Variants in WDHD1 observed in about 807,000 individuals in gnomAD.
The protein encoded by WDHD1 is WD repeat and HMG-box DNA binding protein 1, also known as WD repeat and HMG-box DNA-binding protein 1.
Under a neutral mutation model 135.4 loss-of-function variants are expected in WDHD1, and 111 were observed. The ratio of observed to expected loss-of-function variants is 0.82; its 90% CI spans 0.70 to 0.96. The LOEUF (loss-of-function observed/expected upper bound fraction) is 0.96. WDHD1 is among the 40% of genes least tolerant of loss of function. WDHD1 has a pLI of 0.00. For missense variants in WDHD1, 1,351 were observed against 1,336.3 expected, an observed-to-expected ratio of 1.01 and a Z score of -0.17; for synonymous variants, 434 against 439.0, an observed-to-expected ratio of 0.99 and a Z score of 0.14.
chr14:54,956,908 C>G (rs2041168553), intron 23 of WDHD1, 126 bp downstream of exon 23: 1 of 1,226,840 alleles, frequency 8.2e-7, no homozygotes. Flanking sequence ...AGAATTGAAC[C>G]CACTTCCCTA....
intron 16 of WDHD1, among the ~76,000 whole-genome samples, chr14:54,976,305 T>C (rs534536492): frequency 2.6e-5 from 4 of 152,302 alleles, no homozygotes; most frequent in African/African-American, 7.2e-5. Context: ...CTGTATAACC[T>C]TGAACTCCTG....
chr14:55,015,950 C>T (rs541915824), intron 2 of WDHD1, among the ~76,000 whole-genome samples: 9 of 152,268 alleles, frequency 5.9e-5, no homozygotes, highest in South Asian at 2.1e-4. Context: ...CCACCCACCT[C>T]GGCCTCTCAA....
At chr14:55,021,747 C>CT (rs1373869420) in intron 2 of WDHD1, among the ~76,000 whole-genome samples, 1 of 152,170 alleles carries the variant, frequency 6.6e-6, no homozygotes, top group African/African-American at 2.4e-5. Flanking sequence ...GCTCCCTTAT[C>CT]TTTTTTGCCA....
At chr14:55,015,062 A>T (rs1014801107) in intron 2 of WDHD1, among the ~76,000 whole-genome samples, 1 of 152,190 alleles carries the variant, frequency 6.6e-6, no homozygotes, top group African/African-American at 2.4e-5. Context: ...GAGAGTAGAT[A>T]GGAGGACTAT....
Position 55,000,996 on chromosome 14 carries a change from T to C in WDHD1, c.694-4A>G. 1 of 1,508,102 alleles carries C rather than the reference T, an allele frequency of 6.6e-7. No individual in the cohort carries two copies. The highest frequency in any genetic ancestry group is 2.4e-5 in the East Asian group (1 of 41,678). 93.4% of individuals were successfully genotyped at this position (1,508,102 alleles called of 1,614,324 possible). On this transcript the variant is annotated splice_polypyrimidine_tract_variant and splice_region_variant and intron_variant, in intron 8 of 25. Transcript: ENST00000360586. Reference sequence around the variant, plus strand: ...ACCAGGTTACTATATTGAGGGTCTGTAAAGAAAAACAGTTAATAAATAATG... The same window carrying C: ...ACCAGGTTACTATATTGAGGGTCTGCAAAGAAAAACAGTTAATAAATAATG...
chr14:54,941,781 T>TTA, intron 25 of WDHD1, 91 bp from the exon 26 acceptor site: 1 of 1,160,184 alleles, frequency 8.6e-7, no homozygotes. Context: ...GGTAATATTT[T>TTA]TATATATAAA....
intron 2 of WDHD1, among the ~76,000 whole-genome samples, chr14:55,026,381 A>G (rs2042441601): frequency 6.6e-6 from 1 of 152,216 alleles, no homozygotes; most frequent in South Asian, 2.1e-4. Flanking sequence ...ATATCATTCC[A>G]AACAGAACAG....
At position 54,962,955 on chromosome 14, in the gene WDHD1, G is replaced by A. The variant is rs887418731; in HGVS notation, c.2528C>T (p.Ala843Val). The A allele has an allele frequency of 1.9e-6, 3 of 1,613,760 alleles. No individual in the cohort carries two copies. The Admixed American group carries it at 5.0e-5, about 27-fold the overall frequency. Residue 843 changes from alanine (A) to valine (V), a missense_variant, in exon 19 of 26, where the codon GCT becomes GTT. Physicochemically the swap from Ala to Val is moderately conservative, Grantham distance 64 (BLOSUM62 0). Transcript: ENST00000360586. ...AAACAACTAAATTATTTCTTACCCA[G>A]CATTCAGCTTTTTTCTGAAATCTTC... ...EEEDFRKKLN[A>V]GYSNTATEWS...
At chr14:54,967,203 C>T (rs2041358811) in intron 17 of WDHD1, 77 bp downstream of exon 17, 1 of 1,151,526 alleles carries the variant, frequency 8.7e-7, no homozygotes, top group Non-Finnish European at 1.3e-6. Flanking sequence ...TACTGGCCAT[C>T]AGGATAATTT....
At position 54,971,767 on chromosome 14, in the gene WDHD1, C is replaced by T. The variant is rs2041437981; in HGVS notation, c.2064-4373G>A. ...CCCACAGAATGCAAGAAAATGTTCG[C>T]AAGCTATGCATCCAACAAAGATCTG... is the stretch of plus-strand genomic sequence containing the variant. On this transcript the variant is annotated intron_variant, in intron 16 of 25. Coordinates refer to ENST00000360586, the MANE Select transcript of WDHD1 (RefSeq NM_007086.4). 2.7e-5 allele frequency among the ~76,000 whole-genome samples: 4 copies of T among 146,834 alleles called. No individual in the cohort carries two copies. In the South Asian group the frequency reaches 8.7e-4, roughly 32 times the overall value.
At chr14:55,001,145 T>C (rs2041974581) in intron 8 of WDHD1, among the ~76,000 whole-genome samples, 153 bp from the exon 9 acceptor site, 1 of 152,234 alleles carries the variant, frequency 6.6e-6, no homozygotes, top group Non-Finnish European at 1.5e-5. Context: ...TTCTATATTA[T>C]TTCTAATTAT....
At chr14:55,001,416 A>G (rs1425703501) in intron 8 of WDHD1, among the ~76,000 whole-genome samples, 2 of 151,846 alleles carry the variant, frequency 1.3e-5, no homozygotes, top group Non-Finnish European at 2.9e-5. Flanking sequence ...ATGCACCACC[A>G]CACATGGCTA....
At chr14:55,025,902 C>T (rs1288882498) in intron 2 of WDHD1, among the ~76,000 whole-genome samples, 3 of 152,220 alleles carry the variant, frequency 2.0e-5, no homozygotes, top group Non-Finnish European at 4.4e-5. Context: ...TTAATGCCTG[C>T]TCCGTCTTCA....
At chr14:54,983,160 C>T (rs1026360215) in intron 15 of WDHD1, among the ~76,000 whole-genome samples, 4 of 151,488 alleles carry the variant, frequency 2.6e-5, no homozygotes, top group African/African-American at 4.9e-5. Context: ...TGAGACTCTG[C>T]GTCAAAAAAA....
chr14:54,951,244 C>T (rs2140153973), intron 24 of WDHD1, among the ~76,000 whole-genome samples: 1 of 151,608 alleles, frequency 6.6e-6, no homozygotes, highest in South Asian at 2.1e-4. Context: ...AACTGATAGA[C>T]CGCTAGCAAG....
chr14:54,952,636 AAAC>A (rs1440157591), intron 24 of WDHD1, among the ~76,000 whole-genome samples: 2 of 152,236 alleles, frequency 1.3e-5, no homozygotes, highest in Non-Finnish European at 2.9e-5. Flanking sequence ...GAATTGGAAA[AAAC>A]TACTTTAAAG....
chr14:55,014,366 A>G (rs1353102310), intron 2 of WDHD1, among the ~76,000 whole-genome samples: 2 of 152,236 alleles, frequency 1.3e-5, no homozygotes, highest in Non-Finnish European at 2.9e-5. Context: ...AAGGGATTAC[A>G]GACATGAGTC....
rs1453224940 is a variant in WDHD1 at position 54,966,352 on chromosome 14, C to CA, written c.2310+122dup. On this transcript the variant is annotated intron_variant, in intron 18 of 25. Coordinates refer to ENST00000360586, the MANE Select transcript of WDHD1 (RefSeq NM_007086.4). ...TCCGTCGCACAAAAAACAACAACAA[C>CA]AACAAAAAAAAACTTAAGAATCTTA... The CA allele has an allele frequency of 1.4e-4, 173 of 1,231,758 alleles. No individual in the cohort carries two copies. In the African/African-American group the frequency reaches 1.6e-3, roughly 12 times the overall value. 76.3% of individuals were successfully genotyped at this position (1,231,758 alleles called of 1,614,324 possible).
intron 3 of WDHD1, among the ~76,000 whole-genome samples, chr14:55,011,524 C>CAA (rs60615259): frequency 0.49 from 24,820 of 50,958 alleles, 8,517 homozygotes; most frequent in Middle Eastern, 0.7. Context: ...AACTCTGTCT[C>CAA]AAAAAAAAAA....
Sources: gnomAD v4.1 joint callset for allele counts (sites outside exome capture counted in the v4.1 genomes callset) on GRCh38, gnomAD v4.1.1 for gene constraint, MANE v1.5 for transcripts, NCBI Gene and HGNC (gene_info 2026-07-23, HGNC 2026-07-21) for gene names.